The following CCSER2 variants were observed in gnomAD, a reference collection of about 807,000 sequenced individuals.
CCSER2 encodes coiled-coil serine rich protein 2, also known as serine-rich coiled-coil domain-containing protein 2.
CCSER2 carries 46 observed loss-of-function variants against 92.3 expected under a neutral mutation model. The ratio of observed to expected loss-of-function variants is 0.50; its 90% confidence interval spans 0.39 to 0.64. The LOEUF is 0.64. CCSER2 is among the 30% of genes least tolerant of loss of function. The pLI is 0.00. For synonymous variants in CCSER2, 433 were observed against 431.4 expected, an observed-to-expected ratio of 1.00 and a Z score of -0.04; for missense variants, 1,244 against 1,238.9, an observed-to-expected ratio of 1.00 and a Z score of -0.06.
chr10:84,372,629 T>G (rs981625330), intron 2 of CCSER2, among the ~76,000 whole-genome samples, 160 bp downstream of exon 2: 4 of 152,142 alleles, frequency 2.6e-5, no homozygotes, highest in Non-Finnish European at 5.9e-5. Flanking sequence ...TTCCTGTGAC[T>G]TTTGCTCCAT....
chr10:84,497,117 CTCAAA>C (rs1382486257), intron 9 of CCSER2, among the ~76,000 whole-genome samples: 6 of 152,146 alleles, frequency 3.9e-5, no homozygotes, highest in South Asian at 2.1e-4. Context: ...TTTTAAGATA[CTCAAA>C]TCAAAGTAAT....
At chr10:84,454,435 T>A (rs1845484217) in intron 6 of CCSER2, among the ~76,000 whole-genome samples, 1 of 152,246 alleles carries the variant, frequency 6.6e-6, no homozygotes, top group South Asian at 2.1e-4. Context: ...TTCAAGCTAG[T>A]GCAGTTCTAT....
At chr10:84,348,502 GAGGGAGAGGGCA>G (rs1414022558) in intron 1 of CCSER2, among the ~76,000 whole-genome samples, 3 of 152,146 alleles carry the variant, frequency 2.0e-5, no homozygotes, top group Non-Finnish European at 4.4e-5. Context: ...GGGAGAGGAA[GAGGGAGAGGGCA>G]AGGGCGAGGG....
chr10:84,339,537 G>A (rs959943318), intron 1 of CCSER2, among the ~76,000 whole-genome samples: 7 of 149,732 alleles, frequency 4.7e-5, no homozygotes, highest in African/African-American at 1.2e-4. Flanking sequence ...GTGCAATGGC[G>A]TGATCTTGGC....
intron 6 of CCSER2, among the ~76,000 whole-genome samples, chr10:84,441,734 ATGTTTTTTTTTTTTTTTTT>A (rs1407942708): frequency 1.3e-4 from 14 of 106,410 alleles, no homozygotes; most frequent in Admixed American, 2.1e-4. Context: ...GACTGGGAAA[ATGTTTTTTTTTTTTTTTTT>A]TTTTTTTTTT....
chr10:84,450,635 A>G (rs1845222358), intron 6 of CCSER2, among the ~76,000 whole-genome samples: 1 of 152,164 alleles, frequency 6.6e-6, no homozygotes, highest in Non-Finnish European at 1.5e-5. Flanking sequence ...GCATCAATAA[A>G]ACATGAAATT....
At chr10:84,499,776 C>A in intron 9 of CCSER2, 3 of 1,141,854 alleles carry the variant, frequency 2.6e-6, no homozygotes, top group Non-Finnish European at 1.3e-6. Context: ...AACACTATTG[C>A]TCTGTGTTAT....
At chr10:84,507,362 C>T (rs1333264596) in intron 9 of CCSER2, 1 of 972,694 alleles carries the variant, frequency 1.0e-6, no homozygotes, top group Non-Finnish European at 1.2e-6. Context: ...TTTTTTCCTA[C>T]CACCTTCCTC....
chr10:84,435,738 A>T (rs535801186), intron 5 of CCSER2, among the ~76,000 whole-genome samples: 1 of 152,262 alleles, frequency 6.6e-6, no homozygotes, highest in South Asian at 2.1e-4. Flanking sequence ...ATTCCTTCAT[A>T]GAGTTTGTAA....
At chr10:84,429,464 A>AT (rs2133452952) in intron 5 of CCSER2, among the ~76,000 whole-genome samples, 1 of 151,946 alleles carries the variant, frequency 6.6e-6, no homozygotes, top group East Asian at 1.9e-4. Flanking sequence ...TTTCTCTTTT[A>AT]TTTTGAAGGA....
At chr10:84,437,641 A>T (rs1168186200) in intron 5 of CCSER2, among the ~76,000 whole-genome samples, 2 of 148,292 alleles carry the variant, frequency 1.3e-5, no homozygotes, top group Non-Finnish European at 3.0e-5. Flanking sequence ...CATTACTTTT[A>T]TTTTTTTCCT....
At chr10:84,364,409 C>A (rs897612541) in intron 1 of CCSER2, among the ~76,000 whole-genome samples, 1 of 152,128 alleles carries the variant, frequency 6.6e-6, no homozygotes, top group East Asian at 1.9e-4. Flanking sequence ...GTATTTCATT[C>A]CTTTGTCATG....
At chr10:84,380,835 C>T (rs978623742) in intron 3 of CCSER2, among the ~76,000 whole-genome samples, 1 of 152,088 alleles carries the variant, frequency 6.6e-6, no homozygotes, top group African/African-American at 2.4e-5. Flanking sequence ...GCTGGGACTA[C>T]AGGTGCCTGC....
intron 1 of CCSER2, among the ~76,000 whole-genome samples, chr10:84,336,140 G>T (rs554159767): frequency 6.6e-6 from 1 of 152,154 alleles, no homozygotes; most frequent in Non-Finnish European, 1.5e-5. Flanking sequence ...CATTGTTGTG[G>T]CCTTTCTTGC....
intron 9 of CCSER2, among the ~76,000 whole-genome samples, chr10:84,497,988 C>A (rs1042980710): frequency 2.0e-5 from 3 of 152,176 alleles, no homozygotes; most frequent in Admixed American, 6.5e-5. Context: ...GCTCAAAAAT[C>A]AGTAATTTTC....
intron 3 of CCSER2, among the ~76,000 whole-genome samples, chr10:84,385,034 C>CACACACACACACACACACACA (rs61236890): frequency 6.6e-6 from 1 of 151,426 alleles, no homozygotes; most frequent in African/African-American, 2.4e-5. Flanking sequence ...CACACACACA[C>CACACACACACACACACACACA]CCAGGAATAC....
intron 7 of CCSER2, among the ~76,000 whole-genome samples, chr10:84,468,782 T>C (rs1340898638): frequency 6.6e-6 from 1 of 152,172 alleles, no homozygotes; most frequent in East Asian, 1.9e-4. Flanking sequence ...GGATCATTTC[T>C]TTCATATAGA....
chr10:84,412,563 G>A (rs756195546), intron 3 of CCSER2, among the ~76,000 whole-genome samples: 22 of 152,068 alleles, frequency 1.4e-4, no homozygotes, highest in Non-Finnish European at 1.0e-4. Context: ...AGCAGGTCGT[G>A]GGGGGACGAA....
At chr10:84,394,385 ATGTG>A (rs60891669) in intron 3 of CCSER2, among the ~76,000 whole-genome samples, 17,090 of 132,548 alleles carry the variant, frequency 0.13, 1,054 homozygotes, top group Admixed American at 0.21. Context: ...AAAGGAAAGT[ATGTG>A]TGTGTGTGTG....
Sources: gnomAD v4.1 joint callset for allele counts (sites outside exome capture counted in the v4.1 genomes callset) on GRCh38, gnomAD v4.1.1 for gene constraint, MANE v1.5 for transcripts, NCBI Gene and HGNC (gene_info 2026-07-23, HGNC 2026-07-21) for gene names.